The following APOBR variants were observed in gnomAD, a reference collection of about 807,000 sequenced individuals.
APOBR encodes the protein apoB-48R.
A neutral mutation model predicts 88.5 loss-of-function variants in APOBR; 57 were observed. The observed-to-expected ratio is 0.64, with a 90% CI of 0.52 to 0.80. APOBR has a LOEUF of 0.80. Ranked by LOEUF, APOBR falls within the 30% of genes least tolerant of loss-of-function variation. APOBR has a pLI of 0.00. For synonymous variants in APOBR, 588 were observed against 572.7 expected, an observed-to-expected ratio of 1.03 and a Z score of -0.38; for missense variants, 1,443 against 1,401.6, an observed-to-expected ratio of 1.03 and a Z score of -0.47.
Position 28,495,013 on chromosome 16 carries a change from A to G in APOBR, c.58-86A>G. The G allele has an allele frequency of 2.3e-6, 3 of 1,301,530 alleles. No individual in the cohort carries two copies. In the South Asian group the frequency reaches 5.0e-5, roughly 22 times the overall value. The allele number at this position is 1,301,530 out of a possible 1,614,324, so 80.6% of individuals were successfully genotyped here. A position where few individuals can be genotyped will look rare whatever the true frequency, so the allele number is the denominator to read the frequency against. ...TTCAGATCCCAGTACCCTCTTCCTT[A>G]ACCTGGGCTCCTCCAGCCAGGGCCC... On this transcript the variant is annotated intron_variant, in intron 1 of 3. Transcript: ENST00000564831.
chr16:28,496,415 C>T lies in APOBR; in HGVS notation c.1374C>T (p.Ser458=), dbSNP rs2046393455. 1 of 1,611,038 alleles carries T rather than the reference C, an allele frequency of 6.2e-7. No individual in the cohort carries two copies. The highest frequency in any genetic ancestry group is 1.3e-5 in the African/African-American group (1 of 74,646). The change falls in exon 2 of 4, where the codon AGC becomes AGT. Residue 458 remains serine (S), a synonymous_variant. Coordinates refer to ENST00000564831, the MANE Select transcript of APOBR (RefSeq NM_018690.4). Reference sequence around the variant, plus strand: ...TGGGAGGCCAGGAGGCAGGGGAGAGCTTTGAGGGCCAGGTAGACCTGCGTG... The same window carrying T: ...TGGGAGGCCAGGAGGCAGGGGAGAGTTTTGAGGGCCAGGTAGACCTGCGTG... ...EAVGGQEAGE[S]FEGQVDLRGK... is the part of the protein sequence containing the mutation.
At position 28,497,782 on chromosome 16, in the gene APOBR, C is replaced by T; in HGVS notation, c.2741C>T (p.Pro914Leu). 6.2e-7 allele frequency: 1 copy of T among 1,604,038 alleles called. No individual in the cohort carries two copies. Among genetic ancestry groups the T allele is most frequent in the Non-Finnish European group, 8.5e-7 (1 of 1,175,506 alleles). ...CGDYHPEGEA[P>L]RLLDAEGLMV... ...GACTACCACCCTGAGGGAGAGGCAC[C>T]AAGGCTCCTTGATGCAGAGGGTCTC... Residue 914 changes from proline (P) to leucine (L), a missense_variant, in exon 2 of 4, where the codon CCA (proline) becomes CTA (leucine). Transcript: ENST00000564831.
chr16:28,498,288 C>T lies in APOBR; in HGVS notation c.3163C>T (p.Pro1055Ser). The T allele has an allele frequency of 6.2e-7, 1 of 1,603,692 alleles. No homozygotes were observed. The highest frequency in any genetic ancestry group is 1.7e-5 in the Admixed American group (1 of 58,276). Residue 1055 changes from proline (P) to serine (S), a missense_variant, in exon 3 of 4, where the codon CCA (proline) becomes TCA (serine). Physicochemically the swap from Pro to Ser is moderately conservative, Grantham distance 74. Coordinates refer to ENST00000564831, the MANE Select transcript of APOBR (RefSeq NM_018690.4). The stretch of plus-strand genomic sequence containing the variant: ...CCTCCAGCTGGAGGAACCCCTGGAG[C>T]CAAGCCCTCTGAGGCATGATGGGAC... ...RPLQLEEPLE[P>S]SPLRHDGTPV...
At position 28,496,339 on chromosome 16, in the gene APOBR, C is replaced by G. The variant is rs535936405; in HGVS notation, c.1298C>G (p.Thr433Ser). Reference protein sequence around the residue: ...PFPKQPQVLGTERTEEAAESQ... With the variant: ...PFPKQPQVLGSERTEEAAESQ... The stretch of plus-strand genomic sequence containing the variant: ...CCCAAACAGCCCCAGGTCCTGGGCA[C>G]TGAAAGAACAGAAGAGGCTGCTGAG... Residue 433 changes from threonine (T) to serine (S), a missense_variant, in exon 2 of 4, where the codon ACT becomes AGT. Coordinates refer to ENST00000564831, the MANE Select transcript of APOBR (RefSeq NM_018690.4). 6.3e-7 allele frequency: 1 copy of G among 1,588,158 alleles called. No individual in the cohort carries two copies. The highest frequency in any genetic ancestry group is 1.3e-5 in the African/African-American group (1 of 74,156).
At position 28,497,397 on chromosome 16, in the gene APOBR, C is replaced by A. The variant is rs2046401990; in HGVS notation, c.2356C>A (p.Leu786Ile). Residue 786 changes from leucine to isoleucine, a missense_variant, in exon 2 of 4, where the codon CTT becomes ATT. By Grantham distance (5) the Leu-to-Ile change is conservative. Coordinates refer to ENST00000564831, the MANE Select transcript of APOBR (RefSeq NM_018690.4). Reference protein sequence around the residue: ...AGAGEALEGVLGQGWDSKEKE... With the variant: ...AGAGEALEGVIGQGWDSKEKE... The stretch of plus-strand genomic sequence containing the variant: ...CGCTGGTGAAGCTTTGGAAGGGGTG[C>A]TTGGGCAAGGCTGGGACTCGAAAGA... 1 of 1,612,898 alleles carries A rather than the reference C, an allele frequency of 6.2e-7. No individual in the cohort carries two copies. The highest frequency in any genetic ancestry group is 1.3e-5 in the African/African-American group (1 of 74,876).
rs779800822 is a variant in APOBR, at chr16:28,497,544, G to A, written c.2503G>A (p.Gly835Arg). The A allele has an allele frequency of 6.2e-7, 1 of 1,607,990 alleles. No homozygotes were observed. Among genetic ancestry groups the A allele is most frequent in the African/African-American group, 1.3e-5 (1 of 74,638 alleles). The part of the protein sequence containing the change: ...QVEAFESREG[G>R]PWGGRVEAEE... Reference sequence around the variant, plus strand: ...AGAGGCTTTTGAGTCCAGGGAGGGAGGACCTTGGGGAGGGCGGGTAGAGGC... The same window carrying A: ...AGAGGCTTTTGAGTCCAGGGAGGGAAGACCTTGGGGAGGGCGGGTAGAGGC... Residue 835 changes from glycine to arginine, a missense_variant, in exon 2 of 4, where the codon GGA becomes AGA. Transcript: ENST00000564831.
chr16:28,497,209 G>C lies in APOBR; in HGVS notation c.2168G>C (p.Arg723Thr). Residue 723 changes from arginine (R) to threonine (T), a missense_variant, in exon 2 of 4, where the codon AGA becomes ACA. Transcript: ENST00000564831. Reference sequence around the variant, plus strand: ...CCGTCACTGGGAGAGGCCTATGCCAGAGAAACTGAGGATGAGGAGGCGGAG... The same window carrying C: ...CCGTCACTGGGAGAGGCCTATGCCACAGAAACTGAGGATGAGGAGGCGGAG... The part of the protein sequence containing the change: ...PCPSLGEAYA[R>T]ETEDEEAEAD... 6.3e-7 allele frequency: 1 copy of C among 1,595,378 alleles called. No homozygotes were observed. Among genetic ancestry groups the C allele is most frequent in the African/African-American group, 1.3e-5 (1 of 74,736 alleles).
rs751598527 is a variant in APOBR at position 28,495,672 on chromosome 16, G to A, written c.631G>A (p.Gly211Ser). 4.2e-5 allele frequency: 65 copies of A among 1,540,136 alleles called. No homozygotes were observed. Among genetic ancestry groups the A allele is most frequent in the Non-Finnish European group, 5.6e-5 (64 of 1,140,616 alleles). The change falls in exon 2 of 4, where the codon GGT becomes AGT. Residue 211 changes from glycine (G) to serine (S), a missense_variant. Gly to Ser is a moderately conservative substitution (Grantham distance 56, BLOSUM62 0). Transcript: ENST00000564831. ...TWHGETEGKA[G>S]AVGPKAAGDN... ...GCATGGGGAGACGGAGGGGAAGGCT[G>A]GTGCTGTTGGGCCAAAGGCGGCAGG...
At position 28,495,655 on chromosome 16, in the gene APOBR, A is replaced by T. The variant is rs1221157147; in HGVS notation, c.614A>T (p.Glu205Val). The change falls in exon 2 of 4, where the codon GAG becomes GTG. Residue 205 changes from glutamate (E) to valine (V), a missense_variant. Glu to Val is a moderately radical substitution (Grantham distance 121). Transcript: ENST00000564831. ...GAESEWTWHGETEGKAGAVGP... is the reference protein window; with the variant it reads ...GAESEWTWHGVTEGKAGAVGP... ...GAGTCAGAGTGGACCTGGCATGGGGAGACGGAGGGGAAGGCTGGTGCTGTT... is the reference window on the plus strand; with the variant it reads ...GAGTCAGAGTGGACCTGGCATGGGGTGACGGAGGGGAAGGCTGGTGCTGTT... 1 of 1,547,770 alleles carries T rather than the reference A, an allele frequency of 6.5e-7. No individual in the cohort carries two copies. Among genetic ancestry groups the T allele is most frequent in the East Asian group, 2.4e-5 (1 of 41,258 alleles).
rs945266519 is a variant in APOBR at position 28,498,584 on chromosome 16, T to G, written c.*79T>G. ...TCCAATGCCACTGAGCCCTGCTCCCTCTGCCACTGTGGACACATCCTCTCC... is the reference window on the plus strand; with the variant it reads ...TCCAATGCCACTGAGCCCTGCTCCCGCTGCCACTGTGGACACATCCTCTCC... On this transcript the variant is annotated 3_prime_UTR_variant, in exon 4 of 4. Transcript: ENST00000564831. The G allele has an allele frequency of 6.8e-7, 1 of 1,469,946 alleles. No individual in the cohort carries two copies. Among genetic ancestry groups the G allele is most frequent in the African/African-American group, 1.4e-5 (1 of 71,510 alleles). 91.1% of individuals were successfully genotyped at this position (1,469,946 alleles called of 1,614,324 possible). A position where few individuals can be genotyped will look rare whatever the true frequency, so the allele number is the denominator to read the frequency against.
Position 28,494,681 on chromosome 16 carries a change from G to T in APOBR, c.-1G>T. 1.2e-6 allele frequency: 2 copies of T among 1,612,352 alleles called. No homozygotes were observed. The highest frequency in any genetic ancestry group is 1.7e-6 in the Non-Finnish European group (2 of 1,178,934). On this transcript the variant is annotated 5_prime_UTR_variant, in exon 1 of 4. Coordinates refer to ENST00000564831, the MANE Select transcript of APOBR (RefSeq NM_018690.4). ...TGGACACACAGACAGAGACAGACAG[G>T]ATGGACTTCCTCCGGCTATACCTCC... is the stretch of plus-strand genomic sequence containing the variant.
chr16:28,498,153 C>T lies in APOBR; in HGVS notation c.3028C>T (p.Gln1010Ter), dbSNP rs1350822110. ...SRVHLSRSSS[Q>*]RRSRPSFRRT... is the part of the protein sequence containing the mutation. ...CGTGCACCTCTCGAGAAGCTCCTCACAGCGTCGCTCCCGGCCCTCTTTTCG... is the reference window on the plus strand; with the variant it reads ...CGTGCACCTCTCGAGAAGCTCCTCATAGCGTCGCTCCCGGCCCTCTTTTCG... The change falls in exon 3 of 4, where the codon CAG becomes TAG. Residue 1010 changes from glutamine to a stop codon, truncating the protein, a stop_gained. Coordinates refer to ENST00000564831, the MANE Select transcript of APOBR (RefSeq NM_018690.4). LOFTEE classifies it high-confidence loss of function. 2 of 1,600,010 alleles carry T rather than the reference C, an allele frequency of 1.2e-6. No homozygotes were observed. The highest frequency in any genetic ancestry group is 1.7e-6 in the Non-Finnish European group (2 of 1,178,888).
At position 28,495,396 on chromosome 16, in the gene APOBR, G is replaced by A. The variant is rs1274571998; in HGVS notation, c.355G>A (p.Gly119Arg). 6.4e-7 allele frequency: 1 copy of A among 1,562,590 alleles called. No individual in the cohort carries two copies. The highest frequency in any genetic ancestry group is 2.4e-5 in the East Asian group (1 of 41,936). ...GTCCCAAGCAGAGAGGCAGGACAGT[G>A]GGGCTGGGGAGACAGCCAAGGCTGC... ...HGSQAERQDS[G>R]AGETAKAARC... The change falls in exon 2 of 4, where the codon GGG becomes AGG. Residue 119 changes from glycine to arginine, a missense_variant. Physicochemically the swap from Gly to Arg is moderately radical, Grantham distance 125 (BLOSUM62 -2). Transcript: ENST00000564831.
rs567227637 is a variant in APOBR, at chr16:28,497,634, G to A, written c.2593G>A (p.Ala865Thr). Residue 865 changes from alanine (A) to threonine (T), a missense_variant, in exon 2 of 4, where the codon GCA becomes ACA. By Grantham distance (58) the Ala-to-Thr change is moderately conservative. Coordinates refer to ENST00000564831, the MANE Select transcript of APOBR (RefSeq NM_018690.4). ...LDPAGSQTAR[A>T]EGMGAMVEAG... ...TCCCGCGGGCTCCCAGACAGCGAGGGCAGAGGGGATGGGAGCCATGGTGGA... is the reference window on the plus strand; with the variant it reads ...TCCCGCGGGCTCCCAGACAGCGAGGACAGAGGGGATGGGAGCCATGGTGGA... The A allele has an allele frequency of 6.2e-7, 1 of 1,605,704 alleles. No homozygotes were observed. Among genetic ancestry groups the A allele is most frequent in the Non-Finnish European group, 8.5e-7 (1 of 1,176,136 alleles).
rs371882626 is a variant in APOBR, at chr16:28,498,140, G to A, written c.3015G>A (p.Ser1005=). 1.1e-4 allele frequency: 180 copies of A among 1,598,368 alleles called. 1 individual carries two copies. Among genetic ancestry groups the A allele is most frequent in the South Asian group, 3.4e-4 (31 of 90,836 alleles). Reference sequence around the variant, plus strand: ...TCCCAAGGAGTCGCGTGCACCTCTCGAGAAGCTCCTCACAGCGTCGCTCCC... The same window carrying A: ...TCCCAAGGAGTCGCGTGCACCTCTCAAGAAGCTCCTCACAGCGTCGCTCCC... ...VSVPRSRVHL[S]RSSSQRRSRP... is the part of the protein sequence containing the mutation. The change falls in exon 3 of 4, where the codon TCG becomes TCA. Residue 1005 remains serine, a synonymous_variant. Transcript: ENST00000564831.
rs185716694 is a variant in APOBR, at chr16:28,497,707, T to C, written c.2666T>C (p.Val889Ala). 3.7e-6 allele frequency: 6 copies of C among 1,603,808 alleles called. No homozygotes were observed. In the South Asian group the frequency reaches 6.7e-5, roughly 18 times the overall value. Residue 889 changes from valine to alanine, a missense_variant, in exon 2 of 4, where the codon GTT (valine) becomes GCT (alanine). Coordinates refer to ENST00000564831, the MANE Select transcript of APOBR (RefSeq NM_018690.4). The stretch of plus-strand genomic sequence containing the variant: ...TGGACGCTGTTGGAAGAAGAGGCTG[T>C]TGGATGGCAGGAGAGAGAACAGAGG... The part of the protein sequence containing the change: ...EKWTLLEEEA[V>A]GWQEREQRED...
rs747544063 is a variant in APOBR, at chr16:28,497,018, G to A, written c.1977G>A (p.Ala659=). The A allele has an allele frequency of 4.6e-5, 72 of 1,576,814 alleles. No homozygotes were observed. Among genetic ancestry groups the A allele is most frequent in the Non-Finnish European group, 5.7e-5 (66 of 1,162,052 alleles). Residue 659 remains alanine (A), a synonymous_variant, in exon 2 of 4, where the codon GCG becomes GCA. Transcript: ENST00000564831. The stretch of plus-strand genomic sequence containing the variant: ...AGACTGCGGGAGGCCAGACCCTGGC[G>A]GCTGAGGCTGAAGGAGACCGAGAGT... ...EEETAGGQTL[A]AEAEGDRESE...
In APOBR at chr16:28,498,941, A is replaced by T; in HGVS notation, c.*436A>T. The T allele has an allele frequency of 2.3e-6, 1 of 444,392 alleles. No homozygotes were observed. Among genetic ancestry groups the T allele is most frequent in the East Asian group, 6.1e-5 (1 of 16,304 alleles). 27.5% of individuals were successfully genotyped at this position (444,392 alleles called of 1,614,324 possible). ...TTTTAAAAACAAAATAAAACAATAAAGACTGCAAGGAAGACTGAGGGAACA... is the reference window on the plus strand; with the variant it reads ...TTTTAAAAACAAAATAAAACAATAATGACTGCAAGGAAGACTGAGGGAACA... On this transcript the variant is annotated 3_prime_UTR_variant, in exon 4 of 4. Coordinates refer to ENST00000564831, the MANE Select transcript of APOBR (RefSeq NM_018690.4).
At position 28,495,712 on chromosome 16, in the gene APOBR, TGGAGCAGG is replaced by T; in HGVS notation, c.674_681del (p.Glu225GlyfsTer10). The T allele has an allele frequency of 6.5e-7, 1 of 1,528,912 alleles. No homozygotes were observed. Among genetic ancestry groups the T allele is most frequent in the African/African-American group, 1.4e-5 (1 of 72,272 alleles). The allele number at this position is 1,528,912 out of a possible 1,614,324, so 94.7% of individuals were successfully genotyped here. ...AAGGCGGCAGGGGACAACCGGGAGA[TGGAGCAGG>T]GGGTCAGGGAGGCAGATGCAGGGGA... is the stretch of plus-strand genomic sequence containing the variant. On this transcript the variant is annotated frameshift_variant, in exon 2 of 4. Coordinates refer to ENST00000564831, the MANE Select transcript of APOBR (RefSeq NM_018690.4). LOFTEE classifies it high-confidence loss of function.
Sources: gnomAD v4.1 joint callset for allele counts on GRCh38, gnomAD v4.1.1 for gene constraint, MANE v1.5 for transcripts, NCBI Gene and HGNC (gene_info 2026-07-23, HGNC 2026-07-21) for gene names.